Variants in OPCML observed in about 807,000 individuals in gnomAD.
The protein encoded by OPCML is opioid binding protein/cell adhesion molecule like.
OPCML carries 13 observed loss-of-function variants against 37.8 expected under a neutral mutation model. The observed-to-expected ratio is 0.34, with a 90% CI of 0.22 to 0.55. The LOEUF (loss-of-function observed/expected upper bound fraction) is 0.55. Among genes scored for constraint, OPCML ranks in the 20% least tolerant of loss-of-function variants. The pLI is 0.91. For synonymous variants in OPCML, 176 were observed against 168.8 expected (o/e 1.04, Z -0.33); for missense variants, 341 against 435.6 (o/e 0.78, Z 1.93).
chr11:133,434,241 A>C (rs1276538438), intron 1 of OPCML, among the ~76,000 whole-genome samples: 1 of 151,794 alleles, frequency 6.6e-6, no homozygotes, highest in East Asian at 1.9e-4. Context: ...TGTTTCCTCT[A>C]CTCAAAATGT....
At chr11:132,467,907 G>A (rs144744703) in intron 4 of OPCML, among the ~76,000 whole-genome samples, 15 of 152,300 alleles carry the variant, frequency 9.8e-5, no homozygotes, top group African/African-American at 3.6e-4. Context: ...CAACTCCAGG[G>A]CAAAGTGTTT....
intron 4 of OPCML, among the ~76,000 whole-genome samples, chr11:132,497,661 C>T (rs117292691): frequency 3.4e-3 from 510 of 152,062 alleles, no homozygotes; most frequent in Admixed American, 7.9e-3. Context: ...AGTATTTTCC[C>T]TATGGTAAAG....
chr11:133,516,458 C>A (rs1948274725), intron 1 of OPCML, among the ~76,000 whole-genome samples: 1 of 152,176 alleles, frequency 6.6e-6, no homozygotes, highest in Non-Finnish European at 1.5e-5. Context: ...GGGCTGGACT[C>A]CAGTCACTTC....
At chr11:132,659,682 A>AT (rs1941869196) in intron 2 of OPCML, among the ~76,000 whole-genome samples, 1 of 151,766 alleles carries the variant, frequency 6.6e-6, no homozygotes, top group Non-Finnish European at 1.5e-5. Context: ...ACATTTAAAA[A>AT]TTTTTTTAAG....
At chr11:133,251,120 C>A (rs916261726) in intron 1 of OPCML, among the ~76,000 whole-genome samples, 2 of 152,108 alleles carry the variant, frequency 1.3e-5, no homozygotes, top group African/African-American at 4.8e-5. Context: ...CATTCATATG[C>A]TTATGGCTAA....
chr11:132,611,713 A>G (rs2846399), intron 3 of OPCML, among the ~76,000 whole-genome samples: 25,595 of 152,196 alleles, frequency 0.17, 2,604 homozygotes, highest in East Asian at 0.45. Context: ...TTTGAAGCAG[A>G]AAAATGATGT....
At chr11:132,965,441 A>G (rs1180739138) in intron 1 of OPCML, among the ~76,000 whole-genome samples, 2 of 152,126 alleles carry the variant, frequency 1.3e-5, no homozygotes, top group Non-Finnish European at 1.5e-5. Flanking sequence ...CAATGTTAGT[A>G]GTTGTGAATT....
chr11:132,977,724 C>T (rs950649797), intron 1 of OPCML, among the ~76,000 whole-genome samples: 16 of 152,196 alleles, frequency 1.1e-4, no homozygotes, highest in Non-Finnish European at 1.6e-4. Flanking sequence ...ACCTGATCTA[C>T]AAACTTGCTA....
At chr11:133,054,315 G>A in intron 1 of OPCML, among the ~76,000 whole-genome samples, 1 of 152,110 alleles carries the variant, frequency 6.6e-6, no homozygotes, top group East Asian at 1.9e-4. Flanking sequence ...AAAGTCAGAT[G>A]GCATTTATGT....
At chr11:132,500,564 A>G (rs1031368494) in intron 4 of OPCML, among the ~76,000 whole-genome samples, 1 of 152,012 alleles carries the variant, frequency 6.6e-6, no homozygotes, top group African/African-American at 2.4e-5. Flanking sequence ...TTTATTTATT[A>G]TTTATTTTGT....
At chr11:132,602,883 T>G (rs1292450157) in intron 3 of OPCML, among the ~76,000 whole-genome samples, 4 of 152,204 alleles carry the variant, frequency 2.6e-5, no homozygotes, top group African/African-American at 9.6e-5. Context: ...CCTAAACCAA[T>G]GGCTTAGTGC....
chr11:133,038,566 A>G (rs762239139), intron 1 of OPCML, among the ~76,000 whole-genome samples: 2 of 152,196 alleles, frequency 1.3e-5, no homozygotes, highest in Non-Finnish European at 2.9e-5. Context: ...GCTCTAGCCC[A>G]GAGATATTAG....
intron 2 of OPCML, among the ~76,000 whole-genome samples, chr11:132,683,815 G>A (rs3018405): frequency 0.5 from 76,057 of 151,864 alleles, 19,145 homozygotes; most frequent in Admixed American, 0.58. Flanking sequence ...CTTGGGCAAG[G>A]GACCTTGGGA....
chr11:133,034,547 T>C (rs1947740538), intron 1 of OPCML, among the ~76,000 whole-genome samples: 1 of 152,324 alleles, frequency 6.6e-6, no homozygotes, highest in African/African-American at 2.4e-5. Flanking sequence ...ATGCCAGCTT[T>C]ATCTCCTTCT....
chr11:133,478,970 C>T (rs1947311403), intron 1 of OPCML, among the ~76,000 whole-genome samples: 1 of 152,274 alleles, frequency 6.6e-6, no homozygotes, highest in South Asian at 2.1e-4. Flanking sequence ...TTCTCTTGGG[C>T]AAATCACTTA....
chr11:133,168,171 G>A (rs1332454192), intron 1 of OPCML, among the ~76,000 whole-genome samples: 2 of 152,192 alleles, frequency 1.3e-5, no homozygotes, highest in Non-Finnish European at 2.9e-5. Context: ...GTCATGTTTA[G>A]CATCCTTAAC....
intron 4 of OPCML, among the ~76,000 whole-genome samples, chr11:132,460,300 C>A (rs1355090297): frequency 6.6e-6 from 1 of 151,942 alleles, no homozygotes; most frequent in Admixed American, 6.6e-5. Flanking sequence ...TTGATTAGTG[C>A]CAAGGCTCCA....
intron 2 of OPCML, among the ~76,000 whole-genome samples, chr11:132,850,165 C>T (rs985143772): frequency 6.6e-6 from 1 of 152,138 alleles, no homozygotes; most frequent in Admixed American, 6.5e-5. Context: ...ATCCTCCTTA[C>T]TAAACAAAGT....
At chr11:133,207,483 C>T (rs913275783) in intron 1 of OPCML, among the ~76,000 whole-genome samples, 5 of 152,010 alleles carry the variant, frequency 3.3e-5, no homozygotes, top group Non-Finnish European at 7.4e-5. Context: ...ACTGTCATAC[C>T]GTGATTCTAA....
Sources: allele counts gnomAD v4.1 joint callset (sites outside exome capture counted in the v4.1 genomes callset), GRCh38; gene constraint gnomAD v4.1.1; transcripts MANE v1.5; gene names NCBI Gene and HGNC (gene_info 2026-07-23, HGNC 2026-07-21).